The following GALNT10 variants were observed in gnomAD, a reference collection of about 807,000 sequenced individuals.
The protein encoded by GALNT10 is GalNAc transferase 10.
GALNT10 carries 41 observed loss-of-function variants against 75.0 expected under a neutral mutation model. That is an observed-to-expected ratio of 0.55 (90% confidence interval 0.43 to 0.71). The LOEUF is 0.71. Among genes scored for constraint, GALNT10 ranks in the 30% least tolerant of loss-of-function variants. The pLI is 0.00. For synonymous variants in GALNT10, 302 were observed against 313.0 expected (o/e 0.96, Z 0.37); for missense variants, 727 against 818.5 (o/e 0.89, Z 1.36).
At chr5:154,384,686 G>A (rs1202720756) in intron 6 of GALNT10, among the ~76,000 whole-genome samples, 2 of 152,194 alleles carry the variant, frequency 1.3e-5, no homozygotes, top group African/African-American at 2.4e-5. Flanking sequence ...AATTTCTCAC[G>A]CCCTGTTCTT....
At chr5:154,278,120 A>T (rs1328717448) in intron 1 of GALNT10, among the ~76,000 whole-genome samples, 1 of 152,162 alleles carries the variant, frequency 6.6e-6, no homozygotes, top group Non-Finnish European at 1.5e-5. Flanking sequence ...GTTAACATAA[A>T]CTTTATTTCC....
intron 1 of GALNT10, among the ~76,000 whole-genome samples, chr5:154,208,106 T>C (rs570592974): frequency 6.6e-6 from 1 of 152,294 alleles, no homozygotes; most frequent in South Asian, 2.1e-4. Context: ...GGCATTTAGG[T>C]CTGCAGTTCT....
chr5:154,354,830 A>G (rs1488159820), intron 4 of GALNT10, among the ~76,000 whole-genome samples: 1 of 152,230 alleles, frequency 6.6e-6, no homozygotes, highest in African/African-American at 2.4e-5. Flanking sequence ...TGTAGCTCTT[A>G]TAGCCCCAGG....
chr5:154,415,429 C>T (rs1459470891), intron 10 of GALNT10, among the ~76,000 whole-genome samples: 2 of 152,210 alleles, frequency 1.3e-5, no homozygotes, highest in African/African-American at 2.4e-5. Context: ...CGTCTGCCTC[C>T]TGGGCTCAAG....
intron 4 of GALNT10, among the ~76,000 whole-genome samples, chr5:154,366,708 T>A (rs915134171): frequency 6.6e-6 from 1 of 152,196 alleles, no homozygotes; most frequent in Non-Finnish European, 1.5e-5. Flanking sequence ...ATTGGCTATT[T>A]GGGAATAACC....
chr5:154,230,128 C>T lies in GALNT10; in HGVS notation c.159+39103C>T, dbSNP rs1365469670. ...TGAATAGACTTGTGTTGAGGTAGAA[C>T]CTCACTGTTGATCAGCTATCCAGGT... On this transcript the variant is annotated intron_variant, in intron 1 of 11. Transcript: ENST00000297107. Among the ~76,000 whole-genome samples, 3 of 152,136 alleles carry T rather than the reference C, an allele frequency of 2.0e-5. No homozygotes were observed. In the East Asian group the frequency reaches 5.8e-4, roughly 29 times the overall value.
intron 1 of GALNT10, among the ~76,000 whole-genome samples, chr5:154,270,908 C>T (rs982010901): frequency 4.0e-5 from 6 of 149,508 alleles, no homozygotes; most frequent in Admixed American, 1.3e-4. Flanking sequence ...GCAGGAGAAT[C>T]GCTTGAGCCT....
intron 1 of GALNT10, among the ~76,000 whole-genome samples, chr5:154,211,322 A>C (rs938051717): frequency 5.0e-4 from 76 of 152,058 alleles, no homozygotes; most frequent in Non-Finnish European, 3.1e-4. Context: ...TGAACTGTTC[A>C]GTCAACGTTC....
intron 4 of GALNT10, among the ~76,000 whole-genome samples, chr5:154,343,099 A>C (rs969622921): frequency 1.3e-5 from 2 of 150,802 alleles, no homozygotes; most frequent in Non-Finnish European, 2.9e-5. Flanking sequence ...TTTAACATGC[A>C]GATTCCCCGG....
intron 3 of GALNT10, among the ~76,000 whole-genome samples, chr5:154,318,729 T>A (rs1754633767): frequency 6.6e-6 from 1 of 152,258 alleles, no homozygotes; most frequent in South Asian, 2.1e-4. Flanking sequence ...TTCCATAGTT[T>A]GAATTTTTCA....
intron 8 of GALNT10, 116 bp downstream of exon 8, chr5:154,404,327 C>T: frequency 3.4e-6 from 2 of 595,906 alleles, no homozygotes; most frequent in South Asian, 4.4e-5. Context: ...GAGGATGTGC[C>T]TCCCATTCTC....
chr5:154,339,044 G>A (rs1311779732), intron 4 of GALNT10, among the ~76,000 whole-genome samples: 4 of 152,222 alleles, frequency 2.6e-5, no homozygotes, highest in Non-Finnish European at 4.4e-5. Flanking sequence ...ACCTCCCTTA[G>A]AGGTGAAATA....
At chr5:154,330,629 A>G (rs1754841973) in intron 4 of GALNT10, among the ~76,000 whole-genome samples, 2 of 152,176 alleles carry the variant, frequency 1.3e-5, no homozygotes, top group African/African-American at 4.8e-5. Context: ...AGATGGGGCC[A>G]AAAGTGAAAT....
chr5:154,198,588 T>C (rs6580059), intron 1 of GALNT10, among the ~76,000 whole-genome samples: 26,851 of 152,182 alleles, frequency 0.18, 2,594 homozygotes, highest in African/African-American at 0.26. Flanking sequence ...AAGGAAATTG[T>C]GCATGCAGAG....
chr5:154,191,431 T>TTCCCCCCCCC (rs1774856874), intron 1 of GALNT10, among the ~76,000 whole-genome samples: 1 of 55,076 alleles, frequency 1.8e-5, no homozygotes. Context: ...GCTTCCCTCC[T>TTCCCCCCCCC]CCCACCCCCC....
intron 4 of GALNT10, among the ~76,000 whole-genome samples, chr5:154,368,423 T>C (rs957837231): frequency 1.3e-5 from 2 of 152,038 alleles, no homozygotes; most frequent in Admixed American, 6.6e-5. Flanking sequence ...TTGCATAATA[T>C]GTGAATTATA....
In GALNT10 at chr5:154,418,704, T is replaced by C. The variant is rs1582024652; in HGVS notation, c.*1732T>C. The C allele has an allele frequency of 6.6e-6, 1 of 152,194 alleles. No individual in the cohort carries two copies. Among genetic ancestry groups the C allele is most frequent in the African/African-American group, 2.4e-5 (1 of 41,452 alleles). 9.4% of individuals were successfully genotyped at this position (152,194 alleles called of 1,614,324 possible). ...AATCATCCACCAGTCAGACTGAATG[T>C]GTAGCTGGCGAGGAATTACTTCCAC... is the stretch of plus-strand genomic sequence containing the variant. On this transcript the variant is annotated 3_prime_UTR_variant, in exon 12 of 12. Transcript: ENST00000297107.
chr5:154,315,376 C>T (rs1754581928), intron 3 of GALNT10, among the ~76,000 whole-genome samples: 1 of 152,218 alleles, frequency 6.6e-6, no homozygotes, highest in South Asian at 2.1e-4. Context: ...ACGGCACAGA[C>T]AGGCCTCTTA....
intron 1 of GALNT10, among the ~76,000 whole-genome samples, chr5:154,197,033 C>T (rs1317565406): frequency 6.6e-6 from 1 of 152,154 alleles, no homozygotes; most frequent in Non-Finnish European, 1.5e-5. Context: ...CATTTTTGGG[C>T]ACCGAACCTG....
Sources: gnomAD v4.1 joint callset for allele counts (sites outside exome capture counted in the v4.1 genomes callset) on GRCh38, gnomAD v4.1.1 for gene constraint, MANE v1.5 for transcripts, NCBI Gene and HGNC (gene_info 2026-07-23, HGNC 2026-07-21) for gene names.